The following PEBP4 variants were observed in gnomAD, a reference collection of about 807,000 sequenced individuals.
The protein encoded by PEBP4 is phosphatidylethanolamine-binding protein 4.
PEBP4 carries 22 observed loss-of-function variants against 23.9 expected under a neutral mutation model. The ratio of observed to expected loss-of-function variants is 0.92; its 90% CI spans 0.66 to 1.31. The LOEUF is 1.31. PEBP4 is among the 40% of genes most tolerant of loss of function. The probability of loss-of-function intolerance (pLI) is 0.00; values close to 1 mark genes in which losing one functional copy is unlikely to be tolerated. For synonymous variants in PEBP4, 112 were observed against 99.3 expected (o/e 1.13, Z -0.76); for missense variants, 324 against 281.7 (o/e 1.15, Z -1.07).
intron 4 of PEBP4, among the ~76,000 whole-genome samples, chr8:22,729,290 C>A (rs1453555347): frequency 6.6e-6 from 1 of 152,260 alleles, no homozygotes; most frequent in Admixed American, 6.5e-5. Context: ...GGAAGGGCTG[C>A]CCAGCCTGGT....
intron 4 of PEBP4, among the ~76,000 whole-genome samples, chr8:22,730,948 C>T (rs1345167103): frequency 6.6e-6 from 1 of 152,170 alleles, no homozygotes. Flanking sequence ...CTCCCTCACA[C>T]CTTCGGCCTC....
chr8:22,822,583 T>A (rs1384550544), intron 3 of PEBP4, among the ~76,000 whole-genome samples: 2 of 151,980 alleles, frequency 1.3e-5, no homozygotes, highest in Non-Finnish European at 2.9e-5. Context: ...ACATGAGAAA[T>A]TTTAAAAAAT....
chr8:22,845,427 C>A (rs1050397481), intron 3 of PEBP4, among the ~76,000 whole-genome samples: 1 of 151,556 alleles, frequency 6.6e-6, no homozygotes, highest in Non-Finnish European at 1.5e-5. Context: ...CCTAGCTACT[C>A]AGGAGGCTGA....
chr8:22,737,445 C>G (rs555414524), intron 4 of PEBP4, among the ~76,000 whole-genome samples: 3 of 152,264 alleles, frequency 2.0e-5, no homozygotes, highest in African/African-American at 7.2e-5. Context: ...GCCCGTGGTG[C>G]GCAGGCATCT....
intron 3 of PEBP4, among the ~76,000 whole-genome samples, chr8:22,912,509 T>C (rs535130925): frequency 4.3e-4 from 65 of 152,320 alleles, no homozygotes; most frequent in African/African-American, 1.5e-3. Context: ...GGTAGTTGAC[T>C]GCAAGCCAGG....
At chr8:22,841,855 T>G (rs896907028) in intron 3 of PEBP4, among the ~76,000 whole-genome samples, 2 of 152,216 alleles carry the variant, frequency 1.3e-5, no homozygotes, top group Non-Finnish European at 2.9e-5. Context: ...ACACATATAT[T>G]GGTGCACTGC....
rs755617396 is a variant in PEBP4 at position 22,713,542 on chromosome 8, AG to A, written c.518-7del. Reference sequence around the variant, plus strand: ...TCTGTCCATTTTCCAAGAGCCTGGAAGGACAAACAGACCACAGGGAGGCAGT... The same window carrying A: ...TCTGTCCATTTTCCAAGAGCCTGGAAGACAAACAGACCACAGGGAGGCAGT... On this transcript the variant is annotated splice_polypyrimidine_tract_variant and splice_region_variant and intron_variant, in intron 6 of 6. Transcript: ENST00000256404. The A allele has an allele frequency of 1.2e-6, 2 of 1,614,200 alleles. No individual in the cohort carries two copies. The highest frequency in any genetic ancestry group is 1.7e-6 in the Non-Finnish European group (2 of 1,180,022).
chr8:22,894,278 A>AG (rs1808551880), intron 3 of PEBP4, among the ~76,000 whole-genome samples: 1 of 152,176 alleles, frequency 6.6e-6, no homozygotes, highest in African/African-American at 2.4e-5. Context: ...CTTGAGGTTT[A>AG]AATTCTTGGC....
intron 4 of PEBP4, among the ~76,000 whole-genome samples, chr8:22,800,285 CAGAA>C (rs1316439673): frequency 6.6e-6 from 1 of 151,992 alleles, no homozygotes; most frequent in Non-Finnish European, 1.5e-5. Flanking sequence ...GGGCAGGAGA[CAGAA>C]AGAGAAATAG....
In PEBP4 at chr8:22,841,366, A is replaced by T. The variant is rs188201455; in HGVS notation, c.259-23631T>A. Among the ~76,000 whole-genome samples, 3 of 152,386 alleles carry T rather than the reference A, an allele frequency of 2.0e-5. No individual in the cohort carries two copies. In the East Asian group the frequency reaches 5.8e-4, roughly 29 times the overall value. On this transcript the variant is annotated intron_variant, in intron 3 of 6. Coordinates refer to ENST00000256404, the MANE Select transcript of PEBP4 (RefSeq NM_144962.3). ...ATAACTTAGTGGGAAAGGAAATTGT[A>T]TTTAGTTTTTCAAAAGCTTTTGACA...
chr8:22,757,119 T>C (rs1349024978), intron 4 of PEBP4: 1 of 152,200 alleles, frequency 6.6e-6, no homozygotes, highest in Non-Finnish European at 1.5e-5. Context: ...TCATCATGAG[T>C]GCTCACCATA....
chr8:22,714,603 T>C (rs10091402), intron 6 of PEBP4, among the ~76,000 whole-genome samples: 29,121 of 151,612 alleles, frequency 0.19, 3,251 homozygotes, highest in African/African-American at 0.3. Context: ...CTGGGGAAGA[T>C]CCTGTCCGGA....
At chr8:22,858,609 T>G (rs1322151060) in intron 3 of PEBP4, among the ~76,000 whole-genome samples, 1 of 152,176 alleles carries the variant, frequency 6.6e-6, no homozygotes, top group African/African-American at 2.4e-5. Flanking sequence ...ATGAAAAAAC[T>G]GAGACTTTGA....
At chr8:22,802,903 G>A (rs1424742737) in intron 4 of PEBP4, among the ~76,000 whole-genome samples, 1 of 152,184 alleles carries the variant, frequency 6.6e-6, no homozygotes, top group East Asian at 1.9e-4. Context: ...CCCTGTTTCT[G>A]TTTGTAGGTG....
chr8:22,897,109 T>C (rs1808604219), intron 3 of PEBP4, among the ~76,000 whole-genome samples: 1 of 152,052 alleles, frequency 6.6e-6, no homozygotes, highest in South Asian at 2.1e-4. Flanking sequence ...GTGGGAAAGA[T>C]TTTTTTGAGG....
intron 3 of PEBP4, among the ~76,000 whole-genome samples, chr8:22,818,124 T>C (rs756345974): frequency 2.2e-4 from 34 of 152,168 alleles, no homozygotes; most frequent in Non-Finnish European, 4.4e-4. Flanking sequence ...TCAACAAATA[T>C]ATGAGGACTT....
intron 4 of PEBP4, among the ~76,000 whole-genome samples, chr8:22,773,688 A>G (rs2128754264): frequency 6.6e-6 from 1 of 152,242 alleles, no homozygotes; most frequent in Admixed American, 6.5e-5. Context: ...GGATGTTCCC[A>G]ATGTTGGCAT....
At chr8:22,771,351 T>C (rs921586186) in intron 4 of PEBP4, among the ~76,000 whole-genome samples, 2 of 152,092 alleles carry the variant, frequency 1.3e-5, no homozygotes, top group Non-Finnish European at 2.9e-5. Flanking sequence ...TAGTCCGACA[T>C]GGTGGCGCAT....
At chr8:22,765,234 C>T (rs1028473961) in intron 4 of PEBP4, among the ~76,000 whole-genome samples, 1 of 152,060 alleles carries the variant, frequency 6.6e-6, no homozygotes, top group African/African-American at 2.4e-5. Context: ...ACCTCCCCTT[C>T]TCATGTTCAA....
Sources: gnomAD v4.1 joint callset for allele counts (sites outside exome capture counted in the v4.1 genomes callset) on GRCh38, gnomAD v4.1.1 for gene constraint, MANE v1.5 for transcripts, NCBI Gene and HGNC (gene_info 2026-07-23, HGNC 2026-07-21) for gene names.